GRM8: variants seen among roughly 807,000 people sequenced by gnomAD.
GRM8 encodes the protein glutamate metabotropic receptor 8.
In GRM8, 47 loss-of-function variants were observed where a neutral mutation model predicts 87.2. That is an observed-to-expected ratio of 0.54 (90% CI 0.43 to 0.69). GRM8 has a LOEUF of 0.69. GRM8 is among the 30% of genes least tolerant of loss of function. The pLI, the probability that GRM8 is intolerant of heterozygous loss-of-function variation, is 0.00. For missense variants in GRM8, 1,019 were observed against 1,139.2 expected (o/e 0.89, Z 1.52); for synonymous variants, 396 against 404.5 (o/e 0.98, Z 0.25).
intron 8 of GRM8, among the ~76,000 whole-genome samples, chr7:126,568,556 T>C (rs1216398621): frequency 6.6e-6 from 1 of 152,130 alleles, no homozygotes; most frequent in Non-Finnish European, 1.5e-5. Flanking sequence ...CTTCATATAA[T>C]TGGGAGTTGA....
At chr7:127,160,456 G>A (rs1042980273) in intron 2 of GRM8, among the ~76,000 whole-genome samples, 1 of 152,072 alleles carries the variant, frequency 6.6e-6, no homozygotes, top group Admixed American at 6.5e-5. Context: ...GAAAATAATG[G>A]GTGAGGAAAA....
At chr7:126,741,694 A>C (rs12155071) in intron 7 of GRM8, among the ~76,000 whole-genome samples, 3,943 of 152,252 alleles carry the variant, frequency 0.026, 77 homozygotes, top group Middle Eastern at 0.061. Flanking sequence ...TAGTATAATA[A>C]TAAGGGGAAA....
intron 3 of GRM8, among the ~76,000 whole-genome samples, chr7:126,967,921 G>A (rs941452172): frequency 1.3e-5 from 2 of 152,162 alleles, no homozygotes; most frequent in Non-Finnish European, 2.9e-5. Flanking sequence ...ACTGCCTTAA[G>A]CCTCCATGAC....
At chr7:127,132,268 G>A (rs553405196) in intron 2 of GRM8, among the ~76,000 whole-genome samples, 20 of 152,258 alleles carry the variant, frequency 1.3e-4, no homozygotes, top group Admixed American at 9.8e-4. Context: ...AGATTCACAC[G>A]CTAACAGAAA....
At chr7:126,473,492 TAACTA>T (rs1407224593) in intron 9 of GRM8, among the ~76,000 whole-genome samples, 1 of 152,212 alleles carries the variant, frequency 6.6e-6, no homozygotes, top group African/African-American at 2.4e-5. Flanking sequence ...ATCTAGGAAG[TAACTA>T]ACTTGCTTTT....
At position 126,798,010 on chromosome 7, in the gene GRM8, A is replaced by G. The variant is rs114621208; in HGVS notation, c.1157-27945T>C. On this transcript the variant is annotated intron_variant, in intron 6 of 10. Transcript: ENST00000339582. ...AGTTTACAACCCCAGGAAAACTGCA[A>G]GAAGAGAACGCCTCTAAGAGAAGGG... 4.9e-3 allele frequency among the ~76,000 whole-genome samples: 745 copies of G among 152,274 alleles called. 4 individuals are homozygous for G. The highest frequency in any genetic ancestry group is 0.017 in the African/African-American group (697 of 41,562).
chr7:126,451,409 G>A (rs1232081059), intron 9 of GRM8, among the ~76,000 whole-genome samples: 2 of 151,700 alleles, frequency 1.3e-5, no homozygotes, highest in Admixed American at 6.6e-5. Context: ...AGAACTTTCA[G>A]AATGTCTCCA....
At chr7:126,910,940 T>TC (rs1336786954) in intron 3 of GRM8, among the ~76,000 whole-genome samples, 1 of 152,198 alleles carries the variant, frequency 6.6e-6, no homozygotes, top group Middle Eastern at 3.2e-3. Flanking sequence ...TCTCTCAGTT[T>TC]CCTCATCTCT....
At chr7:126,646,294 GGAAGGAAGGAAA>G (rs1454841728) in intron 7 of GRM8, among the ~76,000 whole-genome samples, 23 of 147,316 alleles carry the variant, frequency 1.6e-4, no homozygotes, top group African/African-American at 6.0e-4. Context: ...AAGGAAGGAA[GGAAGGAAGGAAA>G]GAAGGAAGGA....
At chr7:126,732,909 C>A (rs1219653877) in intron 7 of GRM8, among the ~76,000 whole-genome samples, 1 of 152,122 alleles carries the variant, frequency 6.6e-6, no homozygotes, top group African/African-American at 2.4e-5. Flanking sequence ...GTTGCCCAAC[C>A]ATGGCCTATG....
At chr7:126,906,146 A>G in intron 3 of GRM8, among the ~76,000 whole-genome samples, 1 of 152,146 alleles carries the variant, frequency 6.6e-6, no homozygotes, top group East Asian at 1.9e-4. Flanking sequence ...AAGACTCCAC[A>G]GAGATTTCTT....
chr7:127,191,095 C>A (rs1795004886), intron 2 of GRM8, among the ~76,000 whole-genome samples: 1 of 152,088 alleles, frequency 6.6e-6, no homozygotes, highest in Non-Finnish European at 1.5e-5. Context: ...TCTCATTTAA[C>A]AGGTTTGACA....
At chr7:126,582,605 G>A (rs1795714034) in intron 8 of GRM8, among the ~76,000 whole-genome samples, 1 of 152,178 alleles carries the variant, frequency 6.6e-6, no homozygotes, top group African/African-American at 2.4e-5. Context: ...TCCATTGCTA[G>A]AAAGAAGTCA....
intron 7 of GRM8, among the ~76,000 whole-genome samples, chr7:126,666,808 C>T (rs1181475927): frequency 2.0e-5 from 3 of 152,104 alleles, no homozygotes; most frequent in African/African-American, 4.8e-5. Context: ...AAATCCTGAC[C>T]TGAAATAGAG....
At chr7:126,899,274 T>C (rs1288104934) in intron 6 of GRM8, among the ~76,000 whole-genome samples, 2 of 152,226 alleles carry the variant, frequency 1.3e-5, no homozygotes, top group African/African-American at 4.8e-5. Flanking sequence ...GTGGAAAGCA[T>C]GTAAGTGCTT....
chr7:126,847,461 G>A (rs1381364600), intron 6 of GRM8, among the ~76,000 whole-genome samples: 1 of 152,176 alleles, frequency 6.6e-6, no homozygotes, highest in African/African-American at 2.4e-5. Flanking sequence ...TGGGTAGGAT[G>A]TAAAGTAGAT....
chr7:127,166,691 C>T lies in GRM8; in HGVS notation c.511-59979G>A, dbSNP rs551277495. ...ATGTTGCTTTCTTATAACAAAAACT[C>T]AATCTCATCTCACAAGTTAAAATAT... On this transcript the variant is annotated intron_variant, in intron 2 of 10. Coordinates refer to ENST00000339582, the MANE Select transcript of GRM8 (RefSeq NM_000845.3). 2.0e-5 allele frequency among the ~76,000 whole-genome samples: 3 copies of T among 152,260 alleles called. No homozygotes were observed. In the South Asian group the frequency reaches 6.2e-4, roughly 32 times the overall value.
intron 6 of GRM8, among the ~76,000 whole-genome samples, chr7:126,811,326 G>T (rs1447289961): frequency 3.3e-5 from 5 of 151,062 alleles, no homozygotes; most frequent in African/African-American, 1.2e-4. Context: ...TGTTCTTTTT[G>T]CTTGCTTTGG....
At chr7:126,516,250 CA>C (rs1479083925) in intron 9 of GRM8, among the ~76,000 whole-genome samples, 1 of 151,752 alleles carries the variant, frequency 6.6e-6, no homozygotes, top group East Asian at 1.9e-4. Context: ...CACATTTACA[CA>C]AAATAATTAT....
Sources: allele counts gnomAD v4.1 joint callset (sites outside exome capture counted in the v4.1 genomes callset), GRCh38; gene constraint gnomAD v4.1.1; transcripts MANE v1.5; gene names NCBI Gene and HGNC (gene_info 2026-07-23, HGNC 2026-07-21).